The following PPA2 variants were observed in gnomAD, a reference collection of about 807,000 sequenced individuals.
PPA2 encodes the protein inorganic pyrophosphatase 2.
A neutral mutation model predicts 49.5 loss-of-function variants in PPA2; 48 were observed. The observed-to-expected ratio is 0.97, with a 90% confidence interval of 0.77 to 1.23. PPA2 has a LOEUF of 1.23. Among genes scored for constraint, PPA2 ranks in the 50% most tolerant of loss-of-function variants. The pLI is 0.00. For synonymous variants in PPA2, 131 were observed against 139.9 expected (o/e 0.94, Z 0.45); for missense variants, 429 against 410.1 (o/e 1.05, Z -0.40).
intron 10 of PPA2, among the ~76,000 whole-genome samples, chr4:105,379,974 G>A (rs1194422760): frequency 6.6e-6 from 1 of 152,066 alleles, no homozygotes; most frequent in Non-Finnish European, 1.5e-5. Context: ...CTACAATCTT[G>A]CTAAGCTCAC....
intron 7 of PPA2, among the ~76,000 whole-genome samples, chr4:105,402,500 C>A (rs1722257671): frequency 6.6e-6 from 1 of 152,144 alleles, no homozygotes; most frequent in Non-Finnish European, 1.5e-5. Context: ...AAATGCAAAT[C>A]TTCTGAACTA....
At chr4:105,473,823 G>C in intron 1 of PPA2, 71 bp downstream of exon 1, 1 of 1,547,564 alleles carries the variant, frequency 6.5e-7, no homozygotes, top group Non-Finnish European at 8.8e-7. Flanking sequence ...GGCGTCCCAA[G>C]TGTCCCCCAT....
chr4:105,460,516 C>A (rs985603525), intron 1 of PPA2, among the ~76,000 whole-genome samples: 3 of 152,134 alleles, frequency 2.0e-5, no homozygotes, highest in Non-Finnish European at 4.4e-5. Flanking sequence ...CAAGAACAAT[C>A]ATCAATCTGT....
Position 105,447,180 on chromosome 4 carries a change from T to C in PPA2, c.322-678A>G, listed in dbSNP as rs562400315. 3.3e-5 allele frequency among the ~76,000 whole-genome samples: 5 copies of C among 152,290 alleles called. No individual in the cohort carries two copies. The South Asian group carries it at 8.3e-4, about 25-fold the overall frequency. ...ATTAATGGATAAAGAAAATGTGGTA[T>C]ATATACATAATAAAATAGCACTTGG... On this transcript the variant is annotated intron_variant, in intron 4 of 11. Transcript: ENST00000341695.
At chr4:105,402,305 G>GA (rs1455206491) in intron 7 of PPA2, among the ~76,000 whole-genome samples, 1 of 151,908 alleles carries the variant, frequency 6.6e-6, no homozygotes, top group South Asian at 2.1e-4. Flanking sequence ...ACATTAGGAG[G>GA]AAAAAAACCA....
chr4:105,380,596 A>G (rs1023012319), intron 10 of PPA2, among the ~76,000 whole-genome samples: 1 of 152,124 alleles, frequency 6.6e-6, no homozygotes, highest in Admixed American at 6.5e-5. Context: ...AGATCTTTAT[A>G]ACTGAAGTCT....
chr4:105,445,524 G>T (rs892754321), intron 5 of PPA2, among the ~76,000 whole-genome samples: 12 of 151,756 alleles, frequency 7.9e-5, no homozygotes, highest in African/African-American at 2.7e-4. Flanking sequence ...TATTCTACAC[G>T]GGCAGCTGCT....
At chr4:105,407,733 C>T (rs946353263) in intron 7 of PPA2, among the ~76,000 whole-genome samples, 10 of 152,144 alleles carry the variant, frequency 6.6e-5, no homozygotes, top group Non-Finnish European at 1.0e-4. Context: ...AAGTCATATA[C>T]CCAGCCATGT....
intron 9 of PPA2, 58 bp downstream of exon 9, chr4:105,396,191 G>T: frequency 9.5e-7 from 1 of 1,058,178 alleles, no homozygotes; most frequent in Non-Finnish European, 1.4e-6. Context: ...TGATTATTAT[G>T]TGGCTGTTTA....
intron 2 of PPA2, among the ~76,000 whole-genome samples, chr4:105,454,575 C>T (rs1323186359): frequency 6.6e-6 from 1 of 152,146 alleles, no homozygotes; most frequent in Non-Finnish European, 1.5e-5. Flanking sequence ...ACCTCATGAT[C>T]CGCCTGCCTT....
At chr4:105,451,898 G>C (rs919624495) in intron 3 of PPA2, among the ~76,000 whole-genome samples, 5 of 152,132 alleles carry the variant, frequency 3.3e-5, no homozygotes, top group African/African-American at 1.2e-4. Context: ...GCCAATGTTA[G>C]CCTGGTTTTC....
intron 3 of PPA2, among the ~76,000 whole-genome samples, chr4:105,452,670 G>T (rs1443567390): frequency 6.6e-6 from 1 of 152,132 alleles, no homozygotes; most frequent in African/African-American, 2.4e-5. Flanking sequence ...GTTTCAGTTG[G>T]GGTAGAGAAT....
chr4:105,463,070 A>G (rs925535131), intron 1 of PPA2, among the ~76,000 whole-genome samples: 2 of 152,220 alleles, frequency 1.3e-5, no homozygotes, highest in African/African-American at 4.8e-5. Context: ...TTGGAACTGG[A>G]TAACAGGCAG....
chr4:105,448,412 A>T (rs1722506894), intron 4 of PPA2, among the ~76,000 whole-genome samples: 1 of 152,142 alleles, frequency 6.6e-6, no homozygotes, highest in South Asian at 2.1e-4. Flanking sequence ...TCACACCCAA[A>T]GTTATAGAAG....
At chr4:105,434,780 T>C (rs1723970187) in intron 6 of PPA2, among the ~76,000 whole-genome samples, 1 of 152,174 alleles carries the variant, frequency 6.6e-6, no homozygotes, top group Non-Finnish European at 1.5e-5. Flanking sequence ...TGCCTCAGAA[T>C]GAGACACACT....
chr4:105,464,034 C>T (rs528060588), intron 1 of PPA2, among the ~76,000 whole-genome samples: 7 of 152,276 alleles, frequency 4.6e-5, no homozygotes, highest in Admixed American at 3.9e-4. Context: ...GTCCTCCAGA[C>T]CCCAAAATGG....
At chr4:105,434,987 A>G (rs72950565) in intron 6 of PPA2, among the ~76,000 whole-genome samples, 5,016 of 152,342 alleles carry the variant, frequency 0.033, 272 homozygotes, top group African/African-American at 0.11. Flanking sequence ...TGCTGAAAGT[A>G]TAACATTTAG....
chr4:105,401,935 T>A (rs561743839), intron 7 of PPA2, among the ~76,000 whole-genome samples: 55 of 152,324 alleles, frequency 3.6e-4, no homozygotes, highest in African/African-American at 1.3e-3. Flanking sequence ...TTACCAAGCA[T>A]CAGGTGTGTT....
At chr4:105,383,004 CA>C (rs11351989) in intron 10 of PPA2, among the ~76,000 whole-genome samples, 83,654 of 150,906 alleles carry the variant, frequency 0.55, 23,829 homozygotes, top group East Asian at 0.68. Flanking sequence ...CCCTGTGTCT[CA>C]AAAAAAAATA....
Sources: gnomAD v4.1 joint callset for allele counts (sites outside exome capture counted in the v4.1 genomes callset) on GRCh38, gnomAD v4.1.1 for gene constraint, MANE v1.5 for transcripts, NCBI Gene and HGNC (gene_info 2026-07-23, HGNC 2026-07-21) for gene names.